SHC3: variants seen among roughly 807,000 people sequenced by gnomAD.
SHC3 encodes SHC-transforming protein 3.
SHC3 carries 15 observed loss-of-function variants against 60.4 expected under a neutral mutation model. The ratio of observed to expected loss-of-function variants is 0.25; its 90% CI spans 0.17 to 0.38. The LOEUF is 0.38. SHC3 is among the 10% of genes least tolerant of loss of function. The pLI is 1.00. For missense variants in SHC3, 677 were observed against 786.1 expected, an observed-to-expected ratio of 0.86 and a Z score of 1.66; for synonymous variants, 294 against 325.9, an observed-to-expected ratio of 0.90 and a Z score of 1.05.
rs1261606562 is a variant in SHC3 at position 89,178,036 on chromosome 9, G to A, written c.425C>T (p.Pro142Leu). The change falls in exon 1 of 12, where the codon CCG (proline) becomes CTG (leucine). Residue 142 changes from proline (P) to leucine (L), a missense_variant. Pro to Leu is a moderately conservative substitution (Grantham distance 98). Transcript: ENST00000375835. The surrounding 1 kb of genome is among the most constrained non-coding windows in gnomAD (Gnocchi z 6.9). Reference protein sequence around the residue: ...EPLPRPPRGAPHASDQVLGPG... With the variant: ...EPLPRPPRGALHASDQVLGPG... ...CCCCAGCACCTGGTCGCTGGCGTGC[G>A]GCGCCCCCCGAGGGGGCCTGGGCAG... 2.2e-5 allele frequency: 27 copies of A among 1,231,330 alleles called. No homozygotes were observed. The highest frequency in any genetic ancestry group is 2.6e-5 in the Non-Finnish European group (26 of 987,698). The allele number at this position is 1,231,330 out of a possible 1,614,324, so 76.3% of individuals were successfully genotyped here. A position where few individuals can be genotyped will look rare whatever the true frequency, so the allele number is the denominator to read the frequency against.
intron 11 of SHC3, among the ~76,000 whole-genome samples, chr9:89,018,529 T>C (rs1265561662): frequency 2.6e-5 from 4 of 152,168 alleles, no homozygotes; most frequent in Middle Eastern, 3.4e-3. Context: ...GAGAAATACC[T>C]AATGTAGATG....
At position 89,008,717 on chromosome 9, in the gene SHC3, G is replaced by T. The variant is rs1825976982; in HGVS notation, c.*4730C>A. 1 of 152,168 alleles carries T rather than the reference G, an allele frequency of 6.6e-6. No individual in the cohort carries two copies. The highest frequency in any genetic ancestry group is 1.5e-5 in the Non-Finnish European group (1 of 68,048). 9.4% of individuals were successfully genotyped at this position (152,168 alleles called of 1,614,324 possible). A position where few individuals can be genotyped will look rare whatever the true frequency, so the allele number is the denominator to read the frequency against. On this transcript the variant is annotated 3_prime_UTR_variant, in exon 12 of 12. Coordinates refer to ENST00000375835, the MANE Select transcript of SHC3 (RefSeq NM_016848.6). ...CAGCCTTTCATAAGTGATAGACTTG[G>T]TGAATAAATACCCCAGCTGTCTCCC...
chr9:89,104,693 C>T (rs921409463), intron 2 of SHC3, among the ~76,000 whole-genome samples: 1 of 152,168 alleles, frequency 6.6e-6, no homozygotes, highest in African/African-American at 2.4e-5. Context: ...GTAGCAGGAC[C>T]ACCTTGGGGG....
chr9:89,106,915 C>T (rs1344594925), intron 2 of SHC3, among the ~76,000 whole-genome samples: 2 of 151,966 alleles, frequency 1.3e-5, no homozygotes, highest in Non-Finnish European at 2.9e-5. Flanking sequence ...GAAAATAGAG[C>T]AGAATGAGGC....
At chr9:89,093,186 C>T (rs1479583185) in intron 2 of SHC3, among the ~76,000 whole-genome samples, 2 of 152,214 alleles carry the variant, frequency 1.3e-5, no homozygotes, top group Non-Finnish European at 2.9e-5. Context: ...AGCAATAACA[C>T]ACAACACAGG....
intron 6 of SHC3, among the ~76,000 whole-genome samples, chr9:89,059,704 C>CG (rs1825040882): frequency 5.9e-5 from 1 of 16,928 alleles, no homozygotes; most frequent in East Asian, 6.0e-3. Flanking sequence ...TGGTGGAGGA[C>CG]ATGGTGGAGG....
chr9:89,149,794 G>A (rs537081463), intron 1 of SHC3, among the ~76,000 whole-genome samples: 166 of 152,126 alleles, frequency 1.1e-3, no homozygotes, highest in African/African-American at 3.9e-3. Context: ...AATCAACTGG[G>A]GTCCAAAAAT....
At chr9:89,134,973 G>A (rs1218601372) in intron 1 of SHC3, among the ~76,000 whole-genome samples, 1 of 152,090 alleles carries the variant, frequency 6.6e-6, no homozygotes, top group African/African-American at 2.4e-5. Flanking sequence ...TTTAGCAATT[G>A]AGTAAAGTAT....
At chr9:89,167,437 C>T (rs569931390) in intron 1 of SHC3, among the ~76,000 whole-genome samples, 1 of 152,246 alleles carries the variant, frequency 6.6e-6, no homozygotes, top group African/African-American at 2.4e-5. Context: ...GCTGACCAAG[C>T]AAGGGGTACC....
chr9:89,081,737 C>A (rs898363751), intron 2 of SHC3, among the ~76,000 whole-genome samples: 1 of 152,176 alleles, frequency 6.6e-6, no homozygotes, highest in African/African-American at 2.4e-5. Context: ...TAACGTGTAA[C>A]CCTATTTATC....
chr9:89,128,167 T>A (rs958080044), intron 1 of SHC3, among the ~76,000 whole-genome samples: 1 of 152,208 alleles, frequency 6.6e-6, no homozygotes, highest in African/African-American at 2.4e-5. Flanking sequence ...TTTTGGTTCA[T>A]GTGACTTTAG....
At chr9:89,137,055 C>T (rs1826330451) in intron 1 of SHC3, among the ~76,000 whole-genome samples, 1 of 151,972 alleles carries the variant, frequency 6.6e-6, no homozygotes, top group Non-Finnish European at 1.5e-5. Flanking sequence ...GTGGATATAC[C>T]TTTAAACAAC....
chr9:89,066,991 T>C (rs1191798333), intron 5 of SHC3, among the ~76,000 whole-genome samples: 1 of 152,186 alleles, frequency 6.6e-6, no homozygotes, highest in African/African-American at 2.4e-5. Context: ...GTAGCATTCT[T>C]CCAGCAGCTC....
intron 1 of SHC3, among the ~76,000 whole-genome samples, chr9:89,138,819 C>T (rs1826354266): frequency 6.6e-6 from 1 of 152,024 alleles, no homozygotes; most frequent in Admixed American, 6.6e-5. Flanking sequence ...ATATTCCTGC[C>T]TATTAGGGTC....
At chr9:89,065,454 C>T (rs769291170) in intron 6 of SHC3, 75 bp downstream of exon 6, 20 of 1,478,912 alleles carry the variant, frequency 1.4e-5, no homozygotes, top group South Asian at 8.1e-5. Flanking sequence ...GCTGAGATAA[C>T]GAGGACCAGC....
At chr9:89,126,196 GTTAGAGACCCAACT>G (rs2118152926) in intron 1 of SHC3, among the ~76,000 whole-genome samples, 1 of 152,262 alleles carries the variant, frequency 6.6e-6, no homozygotes, top group South Asian at 2.1e-4. Flanking sequence ...ATGAGATAGG[GTTAGAGACCCAACT>G]TAGAGGAGCT....
chr9:89,053,660 T>C (rs1242012127), intron 6 of SHC3, among the ~76,000 whole-genome samples: 1 of 152,224 alleles, frequency 6.6e-6, no homozygotes, highest in African/African-American at 2.4e-5. Flanking sequence ...ATTTTAGATA[T>C]TGCCAAGAGA....
At chr9:89,102,876 A>G (rs1825803010) in intron 2 of SHC3, among the ~76,000 whole-genome samples, 1 of 152,214 alleles carries the variant, frequency 6.6e-6, no homozygotes, top group Non-Finnish European at 1.5e-5. Context: ...AAAGTTCAAT[A>G]TGATGTGCAA....
At chr9:89,015,393 C>T (rs963454601) in intron 11 of SHC3, among the ~76,000 whole-genome samples, 2 of 152,192 alleles carry the variant, frequency 1.3e-5, no homozygotes, top group African/African-American at 2.4e-5. Flanking sequence ...TCCTGAGGAC[C>T]TTTTAGTAGC....
Sources: allele counts gnomAD v4.1 joint callset (sites outside exome capture counted in the v4.1 genomes callset), GRCh38; gene constraint gnomAD v4.1.1; non-coding constraint Gnocchi (gnomAD v3.1); transcripts MANE v1.5; gene names NCBI Gene and HGNC (gene_info 2026-07-23, HGNC 2026-07-21).